LGMN: variants seen among roughly 807,000 people sequenced by gnomAD.
LGMN encodes the protein asparaginyl endopeptidase.
Under a neutral mutation model 56.8 loss-of-function variants are expected in LGMN, and 36 were observed. That is an observed-to-expected ratio of 0.63 (90% confidence interval 0.49 to 0.84). The LOEUF is 0.84. LGMN is among the 40% of genes least tolerant of loss of function. The pLI is 0.00. For missense variants in LGMN, 446 were observed against 556.1 expected (o/e 0.80, Z 1.99); for synonymous variants, 199 against 210.1 (o/e 0.95, Z 0.46).
chr14:92,725,126 T>G (rs1010651), intron 2 of LGMN, among the ~76,000 whole-genome samples: 79,299 of 152,090 alleles, frequency 0.52, 23,722 homozygotes, highest in East Asian at 0.83. Context: ...TCCAAGGTCC[T>G]GTGCTGCCTC....
chr14:92,717,931 G>A (rs1453963078), intron 3 of LGMN, among the ~76,000 whole-genome samples: 1 of 152,188 alleles, frequency 6.6e-6, no homozygotes, highest in Non-Finnish European at 1.5e-5. Flanking sequence ...GGGTGACCAC[G>A]GAGCTAGGAG....
At chr14:92,721,612 C>CCACA (rs1306856210) in intron 2 of LGMN, among the ~76,000 whole-genome samples, 1 of 152,220 alleles carries the variant, frequency 6.6e-6, no homozygotes, top group African/African-American at 2.4e-5. Context: ...TGAGGTTGAA[C>CCACA]CACACACCCT....
At chr14:92,724,525 T>C (rs1051330398) in intron 2 of LGMN, among the ~76,000 whole-genome samples, 2 of 152,272 alleles carry the variant, frequency 1.3e-5, no homozygotes, top group Non-Finnish European at 2.9e-5. Flanking sequence ...ATGGTGTTAC[T>C]GACTACTTGT....
In LGMN at chr14:92,714,244, C is replaced by T; in HGVS notation, c.480+132G>A. On this transcript the variant is annotated intron_variant, in intron 6 of 13. Coordinates refer to ENST00000334869, the MANE Select transcript of LGMN (RefSeq NM_005606.7). This position sits in a 1 kb window ranked among gnomAD's most constrained non-coding sequence, Gnocchi z 5.1. ...ATTTCAAGCTGCTAAACCTGTCCCC[C>T]ACTCCCACCCACCACACGTACAAAC... 1.5e-6 allele frequency: 1 copy of T among 650,536 alleles called. No individual in the cohort carries two copies. Among genetic ancestry groups the T allele is most frequent in the Admixed American group, 2.7e-5 (1 of 36,432 alleles). The allele number at this position is 650,536 out of a possible 1,614,324, so 40.3% of individuals were successfully genotyped here.
intron 1 of LGMN, among the ~76,000 whole-genome samples, chr14:92,747,055 AAT>A (rs1891853732): frequency 6.7e-6 from 1 of 149,686 alleles, no homozygotes; most frequent in Admixed American, 6.6e-5. Flanking sequence ...AAAAAAAAAA[AAT>A]CTACCACCCA....
chr14:92,747,019 G>A (rs1466513650), intron 1 of LGMN, among the ~76,000 whole-genome samples: 2 of 137,964 alleles, frequency 1.4e-5, no homozygotes, highest in Non-Finnish European at 3.0e-5. Flanking sequence ...CTGGGCGACA[G>A]AGCGAGACTC....
intron 10 of LGMN, 32 bp downstream of exon 10, chr14:92,711,623 GGAAC>G: frequency 6.4e-7 from 1 of 1,560,550 alleles, no homozygotes; most frequent in East Asian, 2.2e-5. Context: ...TAGGACACAA[GGAAC>G]AGAGGGCCAG....
intron 10 of LGMN, among the ~76,000 whole-genome samples, chr14:92,710,108 G>A (rs1319319001): frequency 1.3e-5 from 2 of 152,166 alleles, no homozygotes; most frequent in Non-Finnish European, 2.9e-5. Context: ...GGCAATGCAC[G>A]GGAGCCCCTG....
At position 92,719,161 on chromosome 14, in the gene LGMN, A is replaced by G. The variant is rs1217122094; in HGVS notation, c.139-317T>C. On this transcript the variant is annotated intron_variant, in intron 2 of 13. Coordinates refer to ENST00000334869, the MANE Select transcript of LGMN (RefSeq NM_005606.7). ...CACCGCCACCACCACCGCCACTGCC[A>G]CCACCACCACCACCACCACCATCAC... 9.9e-3 allele frequency among the ~76,000 whole-genome samples: 793 copies of G among 79,712 alleles called. 30 individuals carry two copies. The highest frequency in any genetic ancestry group is 0.05 in the African/African-American group (747 of 14,810). The allele number at this position is 79,712 out of a possible 152,430, so 52.3% of individuals were successfully genotyped here. A position where few individuals can be genotyped will look rare whatever the true frequency, so the allele number is the denominator to read the frequency against.
chr14:92,732,925 T>C (rs761284649), intron 1 of LGMN, 110 bp from the exon 2 acceptor site: 129 of 775,418 alleles, frequency 1.7e-4, no homozygotes, highest in Non-Finnish European at 2.4e-4. Context: ...CCGAGGAGGG[T>C]GGATCAAGAG....
At chr14:92,744,027 G>A (rs1195163895) in intron 1 of LGMN, among the ~76,000 whole-genome samples, 1 of 145,716 alleles carries the variant, frequency 6.9e-6, no homozygotes, top group East Asian at 2.2e-4. Flanking sequence ...GGTGGCATGT[G>A]CCTGTAATCC....
At chr14:92,718,228 C>A (rs139641443) in intron 3 of LGMN, among the ~76,000 whole-genome samples, 22 of 152,242 alleles carry the variant, frequency 1.4e-4, no homozygotes, top group South Asian at 6.2e-4. Context: ...GCGACCAGCA[C>A]CCACTTCCTA....
intron 3 of LGMN, among the ~76,000 whole-genome samples, chr14:92,718,446 C>T (rs1051698521): frequency 1.3e-5 from 2 of 152,122 alleles, no homozygotes; most frequent in African/African-American, 4.8e-5. Flanking sequence ...TGGCAGTGCA[C>T]ACCTGCAGTC....
At chr14:92,709,344 TA>T (rs1275105698) in intron 11 of LGMN, among the ~76,000 whole-genome samples, 1 of 152,050 alleles carries the variant, frequency 6.6e-6, no homozygotes, top group Non-Finnish European at 1.5e-5. Flanking sequence ...AATAACTTAA[TA>T]AGCAACAAAA....
intron 2 of LGMN, among the ~76,000 whole-genome samples, chr14:92,730,933 CAAA>C (rs111868362): frequency 7.8e-5 from 9 of 114,762 alleles, no homozygotes; most frequent in Admixed American, 9.0e-5. Flanking sequence ...CTGTCTCAAC[CAAA>C]AAAAAAAAAA....
chr14:92,729,529 C>A (rs1566931065), intron 2 of LGMN, among the ~76,000 whole-genome samples: 1 of 128,012 alleles, frequency 7.8e-6, no homozygotes, highest in Non-Finnish European at 1.6e-5. Context: ...GTGAGAAATC[C>A]AATTTGGTCA....
chr14:92,734,423 C>T (rs1891205937), intron 1 of LGMN, among the ~76,000 whole-genome samples: 1 of 152,164 alleles, frequency 6.6e-6, no homozygotes, highest in African/African-American at 2.4e-5. Context: ...AGTCCAAGAT[C>T]ACCCTGTCCA....
chr14:92,736,457 G>A (rs959832547), intron 1 of LGMN, among the ~76,000 whole-genome samples: 4 of 152,072 alleles, frequency 2.6e-5, no homozygotes, highest in Non-Finnish European at 4.4e-5. Context: ...TTAGCTGGGC[G>A]TGGTGGCGCA....
At position 92,711,835 on chromosome 14, in the gene LGMN, A is replaced by G. The variant is rs1470150167; in HGVS notation, c.729+2T>C. The stretch of plus-strand genomic sequence containing the variant: ...TGAACAGCCAGCCCCCAAAGGGCTC[A>G]CCACGTCCGAATCTTCCATCCAGTT... On this transcript the variant is annotated splice_donor_variant, in intron 9 of 13. Transcript: ENST00000334869. LOFTEE classifies it high-confidence loss of function. The G allele has an allele frequency of 1.9e-6, 3 of 1,610,790 alleles. No homozygotes were observed. The highest frequency in any genetic ancestry group is 2.5e-6 in the Non-Finnish European group (3 of 1,177,024).
Sources: allele counts gnomAD v4.1 joint callset (sites outside exome capture counted in the v4.1 genomes callset), GRCh38; gene constraint gnomAD v4.1.1; non-coding constraint Gnocchi (gnomAD v3.1); transcripts MANE v1.5; gene names NCBI Gene and HGNC (gene_info 2026-07-23, HGNC 2026-07-21).